The following ANO5 variants were observed in gnomAD, a reference collection of about 807,000 sequenced individuals.
The protein encoded by ANO5 is anoctamin-5.
ANO5 carries 109 observed loss-of-function variants against 121.0 expected under a neutral mutation model. The observed-to-expected ratio is 0.90, with a 90% CI of 0.77 to 1.06. ANO5 has a LOEUF of 1.06. ANO5 is among the 50% of genes least tolerant of loss of function. The pLI, the probability that ANO5 is intolerant of heterozygous loss-of-function variation, is 0.00. For missense variants in ANO5, 1,064 were observed against 1,078.5 expected, an observed-to-expected ratio of 0.99 and a Z score of 0.19; for synonymous variants, 406 against 359.9, an observed-to-expected ratio of 1.13 and a Z score of -1.45.
intron 3 of ANO5, among the ~76,000 whole-genome samples, chr11:22,215,197 G>A (rs1852400982): frequency 1.3e-5 from 2 of 151,946 alleles, no homozygotes; most frequent in African/African-American, 4.8e-5. Flanking sequence ...AACAGATTTT[G>A]AAGGAGTATG....
At chr11:22,204,992 T>C (rs1590216648) in intron 2 of ANO5, among the ~76,000 whole-genome samples, 3 of 152,130 alleles carry the variant, frequency 2.0e-5, no homozygotes, top group Admixed American at 2.0e-4. Context: ...GTGATACATA[T>C]ATATCATAAA....
intron 12 of ANO5, among the ~76,000 whole-genome samples, chr11:22,251,484 T>TGCA (rs1853814966): frequency 6.6e-6 from 1 of 152,190 alleles, no homozygotes; most frequent in Non-Finnish European, 1.5e-5. Context: ...TAGAATGGAA[T>TGCA]TTCCCTTAAC....
chr11:22,276,812 A>C (rs1324887015), intron 21 of ANO5, among the ~76,000 whole-genome samples: 1 of 151,618 alleles, frequency 6.6e-6, no homozygotes, highest in Non-Finnish European at 1.5e-5. Flanking sequence ...ATAGGGCAAG[A>C]AGGCCTATCA....
chr11:22,250,893 T>C (rs1853793329), intron 11 of ANO5, 47 bp downstream of exon 11: 1 of 1,609,248 alleles, frequency 6.2e-7, no homozygotes. Context: ...ATTTTCCTCC[T>C]TTTTATTACA....
At chr11:22,251,318 G>A (rs1177253193) in intron 12 of ANO5, among the ~76,000 whole-genome samples, 1 of 152,112 alleles carries the variant, frequency 6.6e-6, no homozygotes, top group African/African-American at 2.4e-5. Context: ...ACTTCATTCA[G>A]GAGAGACTAA....
intron 6 of ANO5, among the ~76,000 whole-genome samples, 178 bp from the exon 7 acceptor site, chr11:22,227,124 T>A (rs1406159512): frequency 6.6e-6 from 1 of 150,968 alleles, no homozygotes; most frequent in Non-Finnish European, 1.5e-5. Flanking sequence ...ATATACATGT[T>A]TTTGTAACTA....
At chr11:22,210,070 G>T (rs1023716164) in intron 2 of ANO5, among the ~76,000 whole-genome samples, 1 of 151,846 alleles carries the variant, frequency 6.6e-6, no homozygotes, top group Admixed American at 6.6e-5. Context: ...ACGAGCTAGT[G>T]GAATTCATTC....
chr11:22,196,358 A>G (rs570357530), intron 1 of ANO5, among the ~76,000 whole-genome samples: 1 of 152,278 alleles, frequency 6.6e-6, no homozygotes, highest in African/African-American at 2.4e-5. Context: ...TTCATTCATG[A>G]GGATGGAGCC....
At chr11:22,269,716 T>C (rs563011958) in intron 17 of ANO5, among the ~76,000 whole-genome samples, 4 of 152,236 alleles carry the variant, frequency 2.6e-5, no homozygotes, top group African/African-American at 9.6e-5. Flanking sequence ...AATGCATTTT[T>C]CTGCATCAAT....
At chr11:22,192,821 C>T, upstream of ANO5, 1 of 273,476 alleles carries the variant, frequency 3.7e-6, no homozygotes, top group South Asian at 1.4e-4. Context: ...GCAGGCCGGC[C>T]AACAGGGCCG....
intron 17 of ANO5, among the ~76,000 whole-genome samples, chr11:22,264,327 C>A (rs1854291368): frequency 6.6e-6 from 1 of 151,842 alleles, no homozygotes; most frequent in South Asian, 2.1e-4. Context: ...GCCTGGCCCC[C>A]AAACTTTTAT....
At chr11:22,230,286 C>T (rs1458482044) in intron 7 of ANO5, among the ~76,000 whole-genome samples, 2 of 151,866 alleles carry the variant, frequency 1.3e-5, no homozygotes, top group East Asian at 1.9e-4. Context: ...TAAGATACAT[C>T]TAATCATTTT....
intron 5 of ANO5, 71 bp downstream of exon 5, chr11:22,221,281 ATTG>A: frequency 7.8e-7 from 1 of 1,288,896 alleles, no homozygotes; most frequent in Non-Finnish European, 1.1e-6. Context: ...GGATATCTGG[ATTG>A]AATTATGTTG....
Position 22,236,239 on chromosome 11 carries a change from ACT to A in ANO5, c.728_729del (p.Ser243Ter). The A allele has an allele frequency of 6.2e-7, 1 of 1,613,188 alleles. No individual in the cohort carries two copies. The highest frequency in any genetic ancestry group is 1.1e-5 in the South Asian group (1 of 91,064). The stretch of plus-strand genomic sequence containing the variant: ...AGGTTTGGGATTGAAAGACTGCTAA[ACT>A]CTAACACTTACTCATCTGCCTATCC... On this transcript the variant is annotated frameshift_variant, in exon 8 of 22. Transcript: ENST00000324559. LOFTEE classifies it high-confidence loss of function.
At chr11:22,244,011 T>C (rs183249819) in intron 9 of ANO5, among the ~76,000 whole-genome samples, 9 of 102,014 alleles carry the variant, frequency 8.8e-5, no homozygotes, top group Admixed American at 6.9e-4. Flanking sequence ...CTTTGGGCTA[T>C]GTGTTTAAGT....
Position 22,205,537 on chromosome 11 carries a change from CAAAATAAAATAAAATAAAAT to C in ANO5, c.87+1706_87+1725del, listed in dbSNP as rs66490106. Reference sequence around the variant, plus strand: ...GTAGACTCTTGGGCCCAGGCTGTCTCAAAATAAAATAAAATAAAATAAAATAAAATAAAATAAATAAAAGG... The same window carrying C: ...GTAGACTCTTGGGCCCAGGCTGTCTCAAAATAAAATAAAATAAATAAAAGG... On this transcript the variant is annotated intron_variant, in intron 2 of 21. Coordinates refer to ENST00000324559, the MANE Select transcript of ANO5 (RefSeq NM_213599.3). Among the ~76,000 whole-genome samples, 28 of 148,116 alleles carry C rather than the reference CAAAATAAAATAAAATAAAAT, an allele frequency of 1.9e-4. 1 individual carries two copies. In the South Asian group the frequency reaches 5.4e-3, roughly 29 times the overall value.
chr11:22,270,723 T>C (rs1490411529), intron 18 of ANO5, among the ~76,000 whole-genome samples: 8 of 152,180 alleles, frequency 5.3e-5, no homozygotes, highest in Non-Finnish European at 1.5e-5. Flanking sequence ...TAAGAGTCAT[T>C]TTTTAACACC....
intron 1 of ANO5, among the ~76,000 whole-genome samples, chr11:22,196,609 G>A (rs572515132): frequency 3.3e-5 from 5 of 151,470 alleles, no homozygotes; most frequent in South Asian, 4.2e-4. Flanking sequence ...GTTGGCTCAC[G>A]CCTGTAATCC....
At chr11:22,193,611 G>C (rs1851720064) in intron 1 of ANO5, 79 bp downstream of exon 1, 1 of 1,539,558 alleles carries the variant, frequency 6.5e-7, no homozygotes, top group South Asian at 1.2e-5. Flanking sequence ...AGAGGCCCCG[G>C]GGGACGTTGG....
Sources: gnomAD v4.1 joint callset for allele counts (sites outside exome capture counted in the v4.1 genomes callset) on GRCh38, gnomAD v4.1.1 for gene constraint, MANE v1.5 for transcripts, NCBI Gene and HGNC (gene_info 2026-07-23, HGNC 2026-07-21) for gene names.